The following BOD1L1 variants were observed in gnomAD, a reference collection of about 807,000 sequenced individuals.
BOD1L1 encodes the protein biorientation of chromosomes in cell division 1 like 1.
Under a neutral mutation model 240.7 loss-of-function variants are expected in BOD1L1, and 86 were observed. That is an observed-to-expected ratio of 0.36 (90% CI 0.30 to 0.43). The LOEUF (loss-of-function observed/expected upper bound fraction) is 0.43, where lower values mean the gene tolerates loss of function less well. Among genes scored for constraint, BOD1L1 ranks in the 20% least tolerant of loss-of-function variants. The pLI is 1.00. For missense variants in BOD1L1, 3,554 were observed against 3,643.5 expected, an observed-to-expected ratio of 0.98 and a Z score of 0.63; for synonymous variants, 1,268 against 1,272.3, an observed-to-expected ratio of 1.00 and a Z score of 0.07.
At chr4:13,578,277 T>C (rs1712933807) in intron 22 of BOD1L1, 2 of 152,160 alleles carry the variant, frequency 1.3e-5, no homozygotes, top group Admixed American at 1.3e-4. Flanking sequence ...AGGGGGCATA[T>C]AAGGAGCCCA....
intron 23 of BOD1L1, 38 bp downstream of exon 23, chr4:13,577,544 T>C: frequency 6.3e-7 from 1 of 1,593,760 alleles, no homozygotes; most frequent in African/African-American, 1.3e-5. Flanking sequence ...TAAGTTGATT[T>C]CTAAACAACA....
At chr4:13,588,858 G>T in intron 14 of BOD1L1, 66 bp from the exon 15 acceptor site, 2 of 1,200,568 alleles carry the variant, frequency 1.7e-6, no homozygotes, top group South Asian at 1.4e-5. Context: ...ACTTACTTAG[G>T]TATGTGTTAG....
chr4:13,604,930 C>G lies in BOD1L1; in HGVS notation c.1970G>C (p.Arg657Pro). The change falls in exon 10 of 26, where the codon CGG (arginine) becomes CCG (proline). Residue 657 changes from arginine to proline, a missense_variant. Transcript: ENST00000040738. ...CTCCATGATAACAGGGGTAGATGTC[C>G]GTCTTTTATGTTCTCTTTCTAATTT... ...ESKLEREHKR[R>P]TSTPVIMEGV... is the part of the protein sequence containing the mutation. 2.5e-6 allele frequency: 4 copies of G among 1,613,418 alleles called. No individual in the cohort carries two copies. Among genetic ancestry groups the G allele is most frequent in the Non-Finnish European group, 3.4e-6 (4 of 1,179,694 alleles).
At position 13,576,909 on chromosome 4, in the gene BOD1L1, T is replaced by G; in HGVS notation, c.8967A>C (p.Glu2989Asp). The G allele has an allele frequency of 1.9e-6, 3 of 1,613,890 alleles. No individual in the cohort carries two copies. In the South Asian group the frequency reaches 3.3e-5, roughly 18 times the overall value. ...EDKKEQESDEEEEEEEEDEPS... is the reference protein window; with the variant it reads ...EDKKEQESDEDEEEEEEDEPS... ...GCTCGTCCTCTTCCTCTTCTTCCTC[T>G]TCCTCATCAGACTCCTGCTCTTTCT... is the stretch of plus-strand genomic sequence containing the variant. Residue 2989 changes from glutamate to aspartate, a missense_variant, in exon 25 of 26, where the codon GAA (glutamate) becomes GAC (aspartate). This residue lies in a region of BOD1L1 where 3,393 missense variants were observed against 3,427.1 expected (regional missense o/e 0.99). Transcript: ENST00000040738.
intron 10 of BOD1L1, 58 bp downstream of exon 10, chr4:13,598,888 T>C (rs900070838): frequency 3.4e-5 from 50 of 1,492,428 alleles, no homozygotes; most frequent in Non-Finnish European, 4.2e-5. Context: ...CTAAATGCAC[T>C]CTGTTGTACA....
At chr4:13,608,476 T>C in intron 8 of BOD1L1, 54 bp downstream of exon 8, 1 of 1,405,988 alleles carries the variant, frequency 7.1e-7, no homozygotes, top group Non-Finnish European at 9.3e-7. Flanking sequence ...TCCTCTCTTC[T>C]GAAAGCACCC....
intron 17 of BOD1L1, among the ~76,000 whole-genome samples, chr4:13,585,050 G>C (rs564000595): frequency 6.6e-6 from 1 of 152,218 alleles, no homozygotes; most frequent in South Asian, 2.1e-4. Flanking sequence ...CGAAATTTAA[G>C]AGAAAATGAA....
Position 13,599,329 on chromosome 4 carries a change from C to A in BOD1L1, c.7571G>T (p.Arg2524Leu). The change falls in exon 10 of 26, where the codon CGC becomes CTC. Residue 2524 changes from arginine to leucine, a missense_variant. Physicochemically the swap from Arg to Leu is moderately radical, Grantham distance 102 (BLOSUM62 -2). This residue lies in a region of BOD1L1 where 3,393 missense variants were observed against 3,427.1 expected (regional missense o/e 0.99). Transcript: ENST00000040738. ...ACCGGTGTTTACTGCTGCCAAATAG[C>A]GAATGCTGACAGAGGGATCCTTAGC... ...QTAKDPSVSI[R>L]YLAAVNTGAI... 7.4e-6 allele frequency: 12 copies of A among 1,613,380 alleles called. No individual in the cohort carries two copies. The highest frequency in any genetic ancestry group is 1.6e-4 in the Middle Eastern group (1 of 6,062).
intron 17 of BOD1L1, among the ~76,000 whole-genome samples, chr4:13,584,439 AGAGTGT>A (rs775156703): frequency 1.7e-5 from 2 of 118,300 alleles, no homozygotes; most frequent in Admixed American, 8.3e-5. Context: ...AAAGAGAGAG[AGAGTGT>A]GTGTGTGTGT....
intron 25 of BOD1L1, among the ~76,000 whole-genome samples, chr4:13,571,744 A>C (rs1712221075): frequency 6.6e-6 from 1 of 152,212 alleles, no homozygotes; most frequent in Admixed American, 6.5e-5. Context: ...TTTTACCAAC[A>C]GCCTCAAGTG....
At chr4:13,611,307 A>G (rs1430826831) in intron 5 of BOD1L1, among the ~76,000 whole-genome samples, 3 of 152,234 alleles carry the variant, frequency 2.0e-5, no homozygotes, top group East Asian at 1.9e-4. Flanking sequence ...ACAAAGAAAA[A>G]TTAGACATTA....
chr4:13,595,938 C>A lies in BOD1L1; in HGVS notation c.8026G>T (p.Val2676Leu). ...CCATTTTTCTCTTCCTCTGAAGGCA[C>A]ATAAGCCTAAAAAATCCAAAGCACC... is the stretch of plus-strand genomic sequence containing the variant. ...LKANLKMEAY[V>L]PSEEEKNGEI... Residue 2676 changes from valine to leucine, a missense_variant, in exon 12 of 26, where the codon GTG becomes TTG. Val to Leu is a conservative substitution (Grantham distance 32). Coordinates refer to ENST00000040738, the MANE Select transcript of BOD1L1 (RefSeq NM_148894.3). 6.2e-7 allele frequency: 1 copy of A among 1,613,160 alleles called. No individual in the cohort carries two copies. Among genetic ancestry groups the A allele is most frequent in the Non-Finnish European group, 8.5e-7 (1 of 1,179,686 alleles).
At chr4:13,570,181 A>G in intron 25 of BOD1L1, 53 bp from the exon 26 acceptor site, 2 of 1,297,806 alleles carry the variant, frequency 1.5e-6, no homozygotes, top group Non-Finnish European at 2.1e-6. Flanking sequence ...GCTGCTTCAA[A>G]TAACTTGGGA....
chr4:13,582,616 G>T, intron 18 of BOD1L1, 36 bp downstream of exon 18: 1 of 1,474,048 alleles, frequency 6.8e-7, no homozygotes, highest in Non-Finnish European at 9.5e-7. Context: ...TGCTTTGAAG[G>T]CTCAGTCAAT....
Position 13,615,298 on chromosome 4 carries a change from T to TA in BOD1L1, c.559+13dup, listed in dbSNP as rs1399655786. 1 of 1,589,330 alleles carries TA rather than the reference T, an allele frequency of 6.3e-7. No individual in the cohort carries two copies. Among genetic ancestry groups the TA allele is most frequent in the African/African-American group, 1.3e-5 (1 of 74,284 alleles). On this transcript the variant is annotated intron_variant, in intron 3 of 25. Coordinates refer to ENST00000040738, the MANE Select transcript of BOD1L1 (RefSeq NM_148894.3). ...GAAAAACAATGGAACTGACCAAGAGTAAAAGCAAAGCACCTTGTGTAATAA... is the reference window on the plus strand; with the variant it reads ...GAAAAACAATGGAACTGACCAAGAGTAAAAAGCAAAGCACCTTGTGTAATAA...
intron 25 of BOD1L1, among the ~76,000 whole-genome samples, chr4:13,572,195 G>T (rs1033939609): frequency 6.6e-6 from 1 of 152,192 alleles, no homozygotes; most frequent in Admixed American, 6.5e-5. Flanking sequence ...GGACGGAAAG[G>T]ATCTGACTTA....
At chr4:13,577,810 T>C in intron 22 of BOD1L1, 179 bp from the exon 23 acceptor site, 1 of 441,762 alleles carries the variant, frequency 2.3e-6, no homozygotes, top group Non-Finnish European at 4.0e-6. Flanking sequence ...CACATTGGAT[T>C]GTGAGTCACG....
At chr4:13,589,462 T>TA (rs1231374105) in intron 14 of BOD1L1, among the ~76,000 whole-genome samples, 1 of 152,136 alleles carries the variant, frequency 6.6e-6, no homozygotes, top group Non-Finnish European at 1.5e-5. Flanking sequence ...TTAAAATAAT[T>TA]AGAGTTAATA....
Position 13,601,962 on chromosome 4 carries a change from C to T in BOD1L1, c.4938G>A (p.Val1646=). ...TTACAGCATCATCCTTTTCCTCTGT[C>T]ACAACGCTATTTACATTGGCTTCGA... ...VKIEANVNSV[V]TEEKDDAVTS... is the part of the protein sequence containing the mutation. The change falls in exon 10 of 26, where the codon GTG becomes GTA. Residue 1646 remains valine (V), a synonymous_variant. Coordinates refer to ENST00000040738, the MANE Select transcript of BOD1L1 (RefSeq NM_148894.3). 1 of 1,613,990 alleles carries T rather than the reference C, an allele frequency of 6.2e-7. No homozygotes were observed. Among genetic ancestry groups the T allele is most frequent in the Non-Finnish European group, 8.5e-7 (1 of 1,179,900 alleles).
Sources: gnomAD v4.1 joint callset for allele counts (sites outside exome capture counted in the v4.1 genomes callset) on GRCh38, gnomAD v4.1.1 for gene constraint, gnomAD v4.1.1 regional missense constraint, MANE v1.5 for transcripts, NCBI Gene and HGNC (gene_info 2026-07-23, HGNC 2026-07-21) for gene names.